Variants in SMARCA2 observed in about 807,000 individuals in gnomAD.
SMARCA2 encodes SWI/SNF-related matrix-associated actin-dependent regulator of chromatin subfamily A member 2.
In SMARCA2, 61 loss-of-function variants were observed where a neutral mutation model predicts 199.8. That is an observed-to-expected ratio of 0.31 (90% CI 0.25 to 0.38). The LOEUF (loss-of-function observed/expected upper bound fraction) is 0.38. Among genes scored for constraint, SMARCA2 ranks in the 10% least tolerant of loss-of-function variants. The pLI is 1.00. For missense variants in SMARCA2, 1,344 were observed against 2,012.2 expected (o/e 0.67, Z 6.35); for synonymous variants, 935 against 732.0 (o/e 1.28, Z -4.48).
chr9:2,079,166 A>G (rs1225275061), intron 14 of SMARCA2, among the ~76,000 whole-genome samples: 1 of 152,154 alleles, frequency 6.6e-6, no homozygotes, highest in Non-Finnish European at 1.5e-5. Flanking sequence ...GTTAATTCAC[A>G]TGCCCGTCAG....
chr9:2,188,250 C>G (rs1199026234), intron 32 of SMARCA2, among the ~76,000 whole-genome samples: 5 of 151,996 alleles, frequency 3.3e-5, no homozygotes, highest in African/African-American at 1.2e-4. Context: ...GTTAATTATA[C>G]TCTGTTAATC....
intron 27 of SMARCA2, among the ~76,000 whole-genome samples, chr9:2,135,850 CT>C (rs921725252): frequency 2.7e-5 from 4 of 150,858 alleles, no homozygotes; most frequent in African/African-American, 9.7e-5. Context: ...GCAACTTTTA[CT>C]TTTTTTTTGA....
intron 29 of SMARCA2, among the ~76,000 whole-genome samples, chr9:2,175,900 A>G (rs1460955547): frequency 2.0e-5 from 3 of 150,294 alleles, no homozygotes; most frequent in Admixed American, 2.0e-4. Flanking sequence ...GTTTTTTGAG[A>G]TGAAGTTTCG....
chr9:2,073,799 G>T (rs1413149205), intron 12 of SMARCA2, among the ~76,000 whole-genome samples, 176 bp downstream of exon 12: 3 of 152,186 alleles, frequency 2.0e-5, no homozygotes, highest in Non-Finnish European at 4.4e-5. Flanking sequence ...ATGCCTAGTG[G>T]TACAGTGATC....
chr9:2,131,805 T>C, intron 27 of SMARCA2, among the ~76,000 whole-genome samples: 1 of 152,044 alleles, frequency 6.6e-6, no homozygotes, highest in Non-Finnish European at 1.5e-5. Context: ...CTGGGCGTGG[T>C]GGCGGGTGCC....
At chr9:2,152,633 C>T (rs1195370368) in intron 27 of SMARCA2, among the ~76,000 whole-genome samples, 1 of 151,968 alleles carries the variant, frequency 6.6e-6, no homozygotes, top group Non-Finnish European at 1.5e-5. Flanking sequence ...GGGCGGATCA[C>T]CTGAGGTCAG....
At chr9:2,051,960 G>T (rs777840108) in intron 5 of SMARCA2, among the ~76,000 whole-genome samples, 1 of 152,178 alleles carries the variant, frequency 6.6e-6, no homozygotes, top group Non-Finnish European at 1.5e-5. Flanking sequence ...ATGAGTAAAT[G>T]AAGTAGATGT....
At chr9:2,156,424 T>G (rs1287382351) in intron 27 of SMARCA2, among the ~76,000 whole-genome samples, 4 of 27,202 alleles carry the variant, frequency 1.5e-4, no homozygotes, top group Non-Finnish European at 5.5e-4. Flanking sequence ...CTTTTTTTTT[T>G]TTTTTTTTTT....
intron 2 of SMARCA2, among the ~76,000 whole-genome samples, chr9:2,030,909 G>C (rs896832026): frequency 1.1e-4 from 16 of 152,302 alleles, no homozygotes; most frequent in Middle Eastern, 3.4e-3. Context: ...GTTGTAATTT[G>C]ATGATTTTTC....
At chr9:2,164,650 T>G (rs1375621834) in intron 28 of SMARCA2, among the ~76,000 whole-genome samples, 2 of 152,338 alleles carry the variant, frequency 1.3e-5, no homozygotes, top group Admixed American at 6.5e-5. Context: ...TTCCATGGTT[T>G]TATTTCTAGA....
intron 32 of SMARCA2, among the ~76,000 whole-genome samples, chr9:2,188,087 T>C (rs1219412089): frequency 6.6e-6 from 1 of 152,258 alleles, no homozygotes; most frequent in Non-Finnish European, 1.5e-5. Flanking sequence ...AGGTTTCTAA[T>C]TACATGTTAA....
At chr9:2,155,500 C>T (rs916649654) in intron 27 of SMARCA2, among the ~76,000 whole-genome samples, 19 of 152,076 alleles carry the variant, frequency 1.2e-4, no homozygotes, top group South Asian at 2.1e-4. Flanking sequence ...CCAGGCTGGT[C>T]TCGAACTCCT....
Position 2,159,445 on chromosome 9 carries a change from C to G in SMARCA2, c.3982-2241C>G, listed in dbSNP as rs182909019. 5.9e-3 allele frequency: 1,239 copies of G among 209,166 alleles called. 8 individuals carry two copies. Among genetic ancestry groups the G allele is most frequent in the Admixed American group, 0.011 (204 of 19,112 alleles). 13.0% of individuals were successfully genotyped at this position (209,166 alleles called of 1,614,324 possible). On this transcript the variant is annotated intron_variant, in intron 27 of 33. Transcript: ENST00000349721. ...ATCATTTAGACTGCTCCAAACCATGCTGCTATTTTTTAAAAAATAAGGTAC... is the reference window on the plus strand; with the variant it reads ...ATCATTTAGACTGCTCCAAACCATGGTGCTATTTTTTAAAAAATAAGGTAC...
chr9:2,126,095 TATC>T (rs1244860707), intron 27 of SMARCA2, among the ~76,000 whole-genome samples: 2 of 152,222 alleles, frequency 1.3e-5, no homozygotes, highest in African/African-American at 2.4e-5. Flanking sequence ...GTGACTAACT[TATC>T]AGCAGTGTTA....
At chr9:2,046,722 G>A (rs1337006334) in intron 4 of SMARCA2, among the ~76,000 whole-genome samples, 1 of 152,138 alleles carries the variant, frequency 6.6e-6, no homozygotes, top group East Asian at 1.9e-4. Flanking sequence ...TCCTAAAAGG[G>A]CTTGAGGTGC....
chr9:2,173,536 C>G (rs1473922533), intron 29 of SMARCA2, among the ~76,000 whole-genome samples: 1 of 152,170 alleles, frequency 6.6e-6, no homozygotes, highest in Non-Finnish European at 1.5e-5. Context: ...AGGTGAAGCA[C>G]CTTTTTTCAT....
chr9:2,157,035 T>C lies in SMARCA2; in HGVS notation c.3982-4651T>C, dbSNP rs142214293. ...GAGACAGTAATAATCAAAAACTTAC[T>C]GTCCAAAGCCCTGAGTCTGAAATTC... On this transcript the variant is annotated intron_variant, in intron 27 of 33. Transcript: ENST00000349721. Among the ~76,000 whole-genome samples, 129 of 152,338 alleles carry C rather than the reference T, an allele frequency of 8.5e-4. 1 individual carries two copies. The highest frequency in any genetic ancestry group is 2.9e-3 in the African/African-American group (120 of 41,584).
chr9:2,025,150 CTCT>C (rs1818772148), intron 1 of SMARCA2, among the ~76,000 whole-genome samples: 1 of 152,120 alleles, frequency 6.6e-6, no homozygotes, highest in Admixed American at 6.5e-5. Context: ...CCTCTGGGGC[CTCT>C]TCTTTTTAAA....
At chr9:2,059,472 G>A (rs1043728170) in intron 8 of SMARCA2, among the ~76,000 whole-genome samples, 20 of 152,086 alleles carry the variant, frequency 1.3e-4, no homozygotes, top group Non-Finnish European at 2.4e-4. Flanking sequence ...TGACTAGACC[G>A]TTTTTGTAGT....
Sources: gnomAD v4.1 joint callset for allele counts (sites outside exome capture counted in the v4.1 genomes callset) on GRCh38, gnomAD v4.1.1 for gene constraint, MANE v1.5 for transcripts, NCBI Gene and HGNC (gene_info 2026-07-23, HGNC 2026-07-21) for gene names.